Variants in LRRC42 observed in about 807,000 individuals in gnomAD.
The protein encoded by LRRC42 is leucine rich repeat containing 42.
Under a neutral mutation model 44.3 loss-of-function variants are expected in LRRC42, and 43 were observed. The ratio of observed to expected loss-of-function variants is 0.97; its 90% CI spans 0.76 to 1.25. The LOEUF (loss-of-function observed/expected upper bound fraction) is 1.25, where lower values mean the gene tolerates loss of function less well. Ranked by LOEUF, LRRC42 falls within the 50% of genes most tolerant of loss-of-function variation. The pLI is 0.00. For missense variants in LRRC42, 540 were observed against 509.1 expected (o/e 1.06, Z -0.58); for synonymous variants, 207 against 195.2 (o/e 1.06, Z -0.50).
chr1:53,949,764 A>G (rs941524247), intron 2 of LRRC42, among the ~76,000 whole-genome samples: 2 of 152,162 alleles, frequency 1.3e-5, no homozygotes, highest in African/African-American at 2.4e-5. Flanking sequence ...CACCCCTTGT[A>G]GTACCAGTAG....
At chr1:53,961,126 C>T (rs769987600) in intron 5 of LRRC42, among the ~76,000 whole-genome samples, 80 of 152,156 alleles carry the variant, frequency 5.3e-4, no homozygotes, top group Non-Finnish European at 9.7e-4. Context: ...AATGAATGTC[C>T]TGGCTGGGCG....
intron 7 of LRRC42, among the ~76,000 whole-genome samples, chr1:53,963,367 G>GT (rs1655044755): frequency 6.6e-6 from 1 of 152,220 alleles, no homozygotes; most frequent in South Asian, 2.1e-4. Context: ...GTGTGGGATG[G>GT]TCTTACAAAG....
At chr1:53,947,937 C>G (rs978477830) in intron 2 of LRRC42, 116 bp downstream of exon 2, 2 of 152,140 alleles carry the variant, frequency 1.3e-5, no homozygotes, top group Non-Finnish European at 2.9e-5. Context: ...TAATGCGGCC[C>G]TGAGATTGAA....
chr1:53,952,159 G>A lies in LRRC42; in HGVS notation c.160G>A (p.Glu54Lys), dbSNP rs753376748. The change falls in exon 3 of 9, where the codon GAG becomes AAG. Residue 54 changes from glutamate to lysine, a missense_variant. Physicochemically the swap from Glu to Lys is moderately conservative, Grantham distance 56 (BLOSUM62 1). Transcript: ENST00000371370. ...ACTGTTCCCCAAAGGCTTTTCTGTG[G>A]AGCTTTGCATGAACAGGGAAGACGA... is the stretch of plus-strand genomic sequence containing the variant. Reference protein sequence around the residue: ...FRLFPKGFSVELCMNREDDTA... With the variant: ...FRLFPKGFSVKLCMNREDDTA... 3.7e-6 allele frequency: 6 copies of A among 1,614,206 alleles called. No individual in the cohort carries two copies. The South Asian group carries it at 6.6e-5, about 18-fold the overall frequency.
chr1:53,952,891 A>G (rs1654733311), intron 3 of LRRC42, among the ~76,000 whole-genome samples: 1 of 152,208 alleles, frequency 6.6e-6, no homozygotes, highest in Non-Finnish European at 1.5e-5. Context: ...ACCTTAAAAG[A>G]TTGGGTGATT....
At position 53,967,867 on chromosome 1, in the gene LRRC42, CT is replaced by C. The variant is rs773201125; in HGVS notation, c.1216del (p.Ser406LeufsTer20). On this transcript the variant is annotated frameshift_variant, in exon 9 of 9. Transcript: ENST00000371370. LOFTEE classifies it high-confidence loss of function. ...AGGAGTCAGAGACAGAACAGAATAA[CT>C]CTTCACAACCTTCAAAGCAGAAATA... ...FEESETEQNN[S>X]SQPSKQKYVC... The C allele has an allele frequency of 2.5e-6, 4 of 1,614,216 alleles. No homozygotes were observed. The Admixed American group carries it at 6.7e-5, about 27-fold the overall frequency.
Position 53,960,350 on chromosome 1 carries a change from C to T in LRRC42, c.606-6C>T, listed in dbSNP as rs779353538. On this transcript the variant is annotated splice_polypyrimidine_tract_variant and splice_region_variant and intron_variant, in intron 4 of 8. Coordinates refer to ENST00000371370, the MANE Select transcript of LRRC42 (RefSeq NM_001256409.2). Reference sequence around the variant, plus strand: ...AGTAATTTATGTATGTACTTTGTTTCCCTAGTGTAACTCAGCTCCACCTGA... The same window carrying T: ...AGTAATTTATGTATGTACTTTGTTTTCCTAGTGTAACTCAGCTCCACCTGA... The T allele has an allele frequency of 1.0e-5, 16 of 1,596,892 alleles. No homozygotes were observed. The highest frequency in any genetic ancestry group is 6.7e-5 in the African/African-American group (5 of 74,150).
intron 8 of LRRC42, among the ~76,000 whole-genome samples, chr1:53,966,930 G>A (rs1379052075): frequency 6.6e-6 from 1 of 151,984 alleles, no homozygotes; most frequent in Non-Finnish European, 1.5e-5. Flanking sequence ...CTAGGGAGGC[G>A]GGGGTGGCAC....
At chr1:53,965,018 T>G (rs1431990548) in intron 7 of LRRC42, among the ~76,000 whole-genome samples, 2 of 140,452 alleles carry the variant, frequency 1.4e-5, no homozygotes, top group Admixed American at 7.0e-5. Context: ...GTTTTTTTTT[T>G]TTTTGGAGAC....
At chr1:53,959,029 G>GC (rs1176473850) in intron 4 of LRRC42, among the ~76,000 whole-genome samples, 3 of 151,892 alleles carry the variant, frequency 2.0e-5, no homozygotes, top group Non-Finnish European at 2.9e-5. Context: ...GATTATAGGC[G>GC]CCCCCCACCA....
In LRRC42 at chr1:53,952,137, G is replaced by A; in HGVS notation, c.138G>A (p.Leu46=). The A allele has an allele frequency of 6.2e-7, 1 of 1,614,194 alleles. No homozygotes were observed. Among genetic ancestry groups the A allele is most frequent in the South Asian group, 1.1e-5 (1 of 91,086 alleles). The change falls in exon 3 of 9, where the codon CTG becomes CTA. Residue 46 remains leucine (L), a synonymous_variant. Transcript: ENST00000371370. ...SSLQKPRPFR[L]FPKGFSVELC... ...TGCAGAAGCCAAGGCCTTTCAGACT[G>A]TTCCCCAAAGGCTTTTCTGTGGAGC...
rs1339790154 is a variant in LRRC42 at position 53,962,356 on chromosome 1, C to T, written c.874C>T (p.Pro292Ser). 3 of 1,614,186 alleles carry T rather than the reference C, an allele frequency of 1.9e-6. No individual in the cohort carries two copies. The African/African-American group carries it at 4.0e-5, about 22-fold the overall frequency. Residue 292 changes from proline to serine, a missense_variant, in exon 7 of 9, where the codon CCT becomes TCT. Physicochemically the swap from Pro to Ser is moderately conservative, Grantham distance 74. Coordinates refer to ENST00000371370, the MANE Select transcript of LRRC42 (RefSeq NM_001256409.2). ...CATAGGCCTTGTTCACTCCAAAGTG[C>T]CTTTGAAGGAATTTGATCATAGTAA... is the stretch of plus-strand genomic sequence containing the variant. ...THIGLVHSKV[P>S]LKEFDHSNCK...
chr1:53,964,048 G>T (rs1456508979), intron 7 of LRRC42, among the ~76,000 whole-genome samples: 1 of 145,388 alleles, frequency 6.9e-6, no homozygotes, highest in African/African-American at 2.6e-5. Context: ...CCCCAGTGCA[G>T]CTGTGCATTG....
chr1:53,965,880 G>A (rs1287077020), intron 7 of LRRC42, among the ~76,000 whole-genome samples: 2 of 152,158 alleles, frequency 1.3e-5, no homozygotes, highest in Non-Finnish European at 1.5e-5. Flanking sequence ...GGAAACATGG[G>A]CATTTTACAT....
intron 7 of LRRC42, among the ~76,000 whole-genome samples, chr1:53,964,394 C>T (rs1269857473): frequency 6.6e-6 from 1 of 152,184 alleles, no homozygotes; most frequent in African/African-American, 2.4e-5. Flanking sequence ...CTGCATTCCT[C>T]TCTCAGACAC....
At chr1:53,966,475 T>C in intron 8 of LRRC42, 95 bp downstream of exon 8, 1 of 791,004 alleles carries the variant, frequency 1.3e-6, no homozygotes, top group South Asian at 1.5e-5. Context: ...TTAATTATGA[T>C]AGTATTGGCT....
At chr1:53,958,075 T>A (rs570757546) in intron 3 of LRRC42, 74 bp from the exon 4 acceptor site, 33 of 1,584,362 alleles carry the variant, frequency 2.1e-5, no homozygotes, top group African/African-American at 2.7e-5. Context: ...ATATTGACTA[T>A]GATACAAATC....
chr1:53,965,167 T>C (rs559698723), intron 7 of LRRC42, among the ~76,000 whole-genome samples: 3 of 151,630 alleles, frequency 2.0e-5, no homozygotes, highest in Non-Finnish European at 4.4e-5. Flanking sequence ...AATTTTTGTA[T>C]TTTTTAGTAG....
intron 3 of LRRC42, among the ~76,000 whole-genome samples, chr1:53,956,455 A>G (rs575252114): frequency 7.2e-5 from 11 of 152,312 alleles, no homozygotes; most frequent in African/African-American, 2.2e-4. Context: ...TTTCTTAATC[A>G]TCCTGAAAAG....
Sources: allele counts gnomAD v4.1 joint callset (sites outside exome capture counted in the v4.1 genomes callset), GRCh38; gene constraint gnomAD v4.1.1; transcripts MANE v1.5; gene names NCBI Gene and HGNC (gene_info 2026-07-23, HGNC 2026-07-21).